Variants in TRIM27 observed in about 807,000 individuals in gnomAD.
TRIM27 encodes zinc finger protein RFP.
In TRIM27, 12 loss-of-function variants were observed where a neutral mutation model predicts 57.6. That is an observed-to-expected ratio of 0.21 (90% CI 0.13 to 0.34). TRIM27 has a LOEUF of 0.34. TRIM27 is among the 10% of genes least tolerant of loss of function. TRIM27 has a pLI of 1.00. For missense variants in TRIM27, 403 were observed against 656.8 expected, an observed-to-expected ratio of 0.61 and a Z score of 4.22; for synonymous variants, 266 against 259.0, an observed-to-expected ratio of 1.03 and a Z score of -0.26.
intron 3 of TRIM27, among the ~76,000 whole-genome samples, chr6:28,917,306 G>T (rs866285873): frequency 1.3e-5 from 2 of 152,046 alleles, no homozygotes; most frequent in East Asian, 3.9e-4. Flanking sequence ...GGCTGGGCAC[G>T]GTGGCTCGCA....
In TRIM27 at chr6:28,923,221, C is replaced by T. The variant is rs774308688; in HGVS notation, c.412G>A (p.Gly138Ser). 1.3e-6 allele frequency: 2 copies of T among 1,582,870 alleles called. No homozygotes were observed. The highest frequency in any genetic ancestry group is 2.3e-5 in the South Asian group (2 of 88,498). ...CGGATCCGCGCCCTCACCTTGAAGC[C>T]CTCCACCGCCTCCTCGAGCGGCAGC... ...SVLPLEEAVE[G>S]FKEQIQNQLD... Residue 138 changes from glycine to serine, a missense_variant, in exon 1 of 8, where the codon GGC (glycine) becomes AGC (serine). By Grantham distance (56) the Gly-to-Ser change is moderately conservative (BLOSUM62 0). Transcript: ENST00000377199.
chr6:28,910,945 A>G (rs751455020), intron 4 of TRIM27, among the ~76,000 whole-genome samples: 21 of 152,066 alleles, frequency 1.4e-4, no homozygotes, highest in Admixed American at 2.6e-4. Context: ...GACCTCCCCA[A>G]TCTCCTTAAA....
chr6:28,921,741 C>G, intron 2 of TRIM27, 151 bp downstream of exon 2: 1 of 679,088 alleles, frequency 1.5e-6, no homozygotes, highest in Non-Finnish European at 2.6e-6. Context: ...AATCTTAGTT[C>G]TCCGGGTGAG....
chr6:28,903,974 G>T lies in TRIM27; in HGVS notation c.*96C>A. ...CTGCAAGGGCGTGGAACATGGTAAG[G>T]ATACCCAGCTGTGACAGGACGTGGC... is the stretch of plus-strand genomic sequence containing the variant. On this transcript the variant is annotated 3_prime_UTR_variant, in exon 8 of 8. Coordinates refer to ENST00000377199, the MANE Select transcript of TRIM27 (RefSeq NM_006510.5). The T allele has an allele frequency of 1.0e-6, 1 of 967,712 alleles. No homozygotes were observed. Among genetic ancestry groups the T allele is most frequent in the Non-Finnish European group, 1.6e-6 (1 of 625,438 alleles). The allele number at this position is 967,712 out of a possible 1,614,324, so 59.9% of individuals were successfully genotyped here.
chr6:28,903,839 AG>A lies in TRIM27; in HGVS notation c.*230del. On this transcript the variant is annotated 3_prime_UTR_variant, in exon 8 of 8. Coordinates refer to ENST00000377199, the MANE Select transcript of TRIM27 (RefSeq NM_006510.5). ...AAAACCAGAAAGTATGAAACACTGG[AG>A]GTGGACATCTGGTTTTTATTTCTAG... The A allele has an allele frequency of 1.8e-6, 1 of 566,460 alleles. No individual in the cohort carries two copies. Among genetic ancestry groups the A allele is most frequent in the East Asian group, 2.8e-5 (1 of 35,662 alleles). The allele number at this position is 566,460 out of a possible 1,614,324, so 35.1% of individuals were successfully genotyped here.
At chr6:28,914,116 G>T (rs1773422254) in intron 3 of TRIM27, among the ~76,000 whole-genome samples, 1 of 148,460 alleles carries the variant, frequency 6.7e-6, no homozygotes, top group Non-Finnish European at 1.5e-5. Context: ...CAACCTCTTG[G>T]GCTCTAGTGA....
At chr6:28,909,257 G>A (rs1396248473) in intron 4 of TRIM27, among the ~76,000 whole-genome samples, 169 bp from the exon 5 acceptor site, 4 of 152,022 alleles carry the variant, frequency 2.6e-5, no homozygotes, top group Admixed American at 2.0e-4. Context: ...ACAGGCATGC[G>A]CCACCATACC....
chr6:28,910,123 G>GAAAAAAAAAAAAAAAAAAAAAAA (rs9278120), intron 4 of TRIM27, among the ~76,000 whole-genome samples: 1 of 97,618 alleles, frequency 1.0e-5, no homozygotes, highest in Non-Finnish European at 2.2e-5. Context: ...AAAGAAAAAT[G>GAAAAAAAAAAAAAAAAAAAAAAA]AAAAAAAAAA....
chr6:28,912,267 G>A (rs900195083), intron 3 of TRIM27, among the ~76,000 whole-genome samples: 13 of 151,918 alleles, frequency 8.6e-5, no homozygotes, highest in African/African-American at 2.2e-4. Context: ...CTGCCATCAC[G>A]CCCAGCTAAT....
Position 28,923,654 on chromosome 6 carries a change from A to T in TRIM27, c.-22T>A. The T allele has an allele frequency of 1.3e-6, 2 of 1,529,490 alleles. No individual in the cohort carries two copies. Among genetic ancestry groups the T allele is most frequent in the Non-Finnish European group, 1.8e-6 (2 of 1,133,654 alleles). 94.7% of individuals were successfully genotyped at this position (1,529,490 alleles called of 1,614,324 possible). On this transcript the variant is annotated 5_prime_UTR_variant, in exon 1 of 8. Coordinates refer to ENST00000377199, the MANE Select transcript of TRIM27 (RefSeq NM_006510.5). ...CCATGGCGCCGGCCTGCGGGGGCGC[A>T]CGGGCATGGGCCCCGGCGCCGAGCT...
chr6:28,923,811 G>T lies in TRIM27; in HGVS notation c.-179C>A. On this transcript the variant is annotated 5_prime_UTR_variant, in exon 1 of 8. Transcript: ENST00000377199. ...CGCACCGAAGGCTTGGAGTGGCCGG[G>T]CCGATGCCTGCGCCTGTGCCCCCTA... is the stretch of plus-strand genomic sequence containing the variant. 1.5e-6 allele frequency: 1 copy of T among 652,464 alleles called. No homozygotes were observed. The highest frequency in any genetic ancestry group is 2.5e-6 in the Non-Finnish European group (1 of 401,312). The allele number at this position is 652,464 out of a possible 1,614,324, so 40.4% of individuals were successfully genotyped here.
At chr6:28,921,795 C>CT (rs779744866) in intron 2 of TRIM27, 97 bp downstream of exon 2, 195 of 978,850 alleles carry the variant, frequency 2.0e-4, no homozygotes, top group Admixed American at 3.9e-4. Context: ...CCTACAAGTT[C>CT]TGGGTGACAT....
chr6:28,908,757 C>CT, intron 6 of TRIM27, 51 bp downstream of exon 6: 1 of 1,595,116 alleles, frequency 6.3e-7, no homozygotes, highest in Non-Finnish European at 8.6e-7. Context: ...TGCAGATGTT[C>CT]TTTTTTCCAA....
intron 4 of TRIM27, among the ~76,000 whole-genome samples, chr6:28,910,820 C>T (rs1447292903): frequency 6.6e-6 from 1 of 152,136 alleles, no homozygotes; most frequent in African/African-American, 2.4e-5. Flanking sequence ...GGTCATCTGG[C>T]TGGGACTGGT....
intron 3 of TRIM27, among the ~76,000 whole-genome samples, chr6:28,913,267 A>AT (rs1230034469): frequency 0.039 from 5,206 of 133,122 alleles, 198 homozygotes; most frequent in African/African-American, 0.13. Context: ...AAAAAAAAAA[A>AT]AAATATATAT....
At position 28,903,901 on chromosome 6, in the gene TRIM27, G is replaced by C; in HGVS notation, c.*169C>G. 1.6e-6 allele frequency: 1 copy of C among 615,246 alleles called. No individual in the cohort carries two copies. 38.1% of individuals were successfully genotyped at this position (615,246 alleles called of 1,614,324 possible). A position where few individuals can be genotyped will look rare whatever the true frequency, so the allele number is the denominator to read the frequency against. On this transcript the variant is annotated 3_prime_UTR_variant, in exon 8 of 8. Coordinates refer to ENST00000377199, the MANE Select transcript of TRIM27 (RefSeq NM_006510.5). ...TACATCTCATTACATTTCACAATCT[G>C]CATGGGAAGGAAAAGGATGGTAGAG...
rs1468924528 is a variant in TRIM27 at position 28,917,092 on chromosome 6, T to C, written c.747+2920A>G. On this transcript the variant is annotated intron_variant, in intron 3 of 7. Coordinates refer to ENST00000377199, the MANE Select transcript of TRIM27 (RefSeq NM_006510.5). ...GGGAGGTCAAGGCTGCGGTGAGCCA[T>C]GATCATGTCACTGCACTCCGACTGG... is the stretch of plus-strand genomic sequence containing the variant. Among the ~76,000 whole-genome samples, 4 of 140,662 alleles carry C rather than the reference T, an allele frequency of 2.8e-5. No homozygotes were observed. In the East Asian group the frequency reaches 8.6e-4, roughly 30 times the overall value. 92.3% of individuals were successfully genotyped at this position (140,662 alleles called of 152,430 possible).
At chr6:28,911,003 T>G (rs1773162689) in intron 4 of TRIM27, among the ~76,000 whole-genome samples, 1 of 152,184 alleles carries the variant, frequency 6.6e-6, no homozygotes, top group Non-Finnish European at 1.5e-5. Flanking sequence ...GTTTTCACCA[T>G]TCAGGATCTT....
chr6:28,903,836 T>C lies in TRIM27; in HGVS notation c.*234A>G. Reference sequence around the variant, plus strand: ...TGTAAAACCAGAAAGTATGAAACACTGGAGGTGGACATCTGGTTTTTATTT... The same window carrying C: ...TGTAAAACCAGAAAGTATGAAACACCGGAGGTGGACATCTGGTTTTTATTT... On this transcript the variant is annotated 3_prime_UTR_variant, in exon 8 of 8. Coordinates refer to ENST00000377199, the MANE Select transcript of TRIM27 (RefSeq NM_006510.5). The C allele has an allele frequency of 1.8e-6, 1 of 566,632 alleles. No homozygotes were observed. The highest frequency in any genetic ancestry group is 2.8e-5 in the East Asian group (1 of 35,624). 35.1% of individuals were successfully genotyped at this position (566,632 alleles called of 1,614,324 possible).
Sources: allele counts gnomAD v4.1 joint callset (sites outside exome capture counted in the v4.1 genomes callset), GRCh38; gene constraint gnomAD v4.1.1; transcripts MANE v1.5; gene names NCBI Gene and HGNC (gene_info 2026-07-23, HGNC 2026-07-21).